CREB3L4: variants seen among roughly 807,000 people sequenced by gnomAD.
CREB3L4 encodes cyclic AMP-responsive element-binding protein 3-like protein 4.
CREB3L4 carries 28 observed loss-of-function variants against 37.0 expected under a neutral mutation model. The ratio of observed to expected loss-of-function variants is 0.76; its 90% CI spans 0.56 to 1.04. CREB3L4 has a LOEUF of 1.04. Ranked by LOEUF, CREB3L4 falls within the 50% of genes least tolerant of loss-of-function variation. The pLI, the probability that CREB3L4 is intolerant of heterozygous loss-of-function variation, is 0.00. For missense variants in CREB3L4, 462 were observed against 486.0 expected, an observed-to-expected ratio of 0.95 and a Z score of 0.46; for synonymous variants, 175 against 192.2, an observed-to-expected ratio of 0.91 and a Z score of 0.74.
chr1:153,969,468 G>A lies in CREB3L4; in HGVS notation c.543+13G>A. On this transcript the variant is annotated intron_variant, in intron 4 of 9. Transcript: ENST00000368607. ...CTGTACAACCCTGGTGAGTCTTGGT[G>A]TCAGCCAGAACCACTACTCCTTGAT... 2 of 1,613,764 alleles carry A rather than the reference G, an allele frequency of 1.2e-6. No individual in the cohort carries two copies. Among genetic ancestry groups the A allele is most frequent in the Non-Finnish European group, 1.7e-6 (2 of 1,179,734 alleles).
chr1:153,968,981 A>C lies in CREB3L4; in HGVS notation c.226A>C (p.Asn76His). ...EDFLKLFIDP[N>H]EVYCSEASPG... Reference sequence around the variant, plus strand: ...TTTCTTGAAGCTTTTCATTGATCCCAATGAGGTGTACTGCTCAGAAGCATC... The same window carrying C: ...TTTCTTGAAGCTTTTCATTGATCCCCATGAGGTGTACTGCTCAGAAGCATC... Residue 76 changes from asparagine (N) to histidine (H), a missense_variant, in exon 3 of 10, where the codon AAT (asparagine) becomes CAT (histidine). Asn to His is a moderately conservative substitution (Grantham distance 68). Transcript: ENST00000368607. The C allele has an allele frequency of 6.2e-7, 1 of 1,613,926 alleles. No homozygotes were observed. Among genetic ancestry groups the C allele is most frequent in the Non-Finnish European group, 8.5e-7 (1 of 1,179,900 alleles).
chr1:153,972,024 T>C (rs1303227160), intron 4 of CREB3L4, among the ~76,000 whole-genome samples: 2 of 152,210 alleles, frequency 1.3e-5, no homozygotes, highest in African/African-American at 4.8e-5. Flanking sequence ...GGTTTTGCCA[T>C]GTTGGCCAGG....
rs749751046 is a variant in CREB3L4 at position 153,973,714 on chromosome 1, G to A, written c.992G>A (p.Gly331Glu). 1.2e-5 allele frequency: 19 copies of A among 1,597,400 alleles called. No individual in the cohort carries two copies. Among genetic ancestry groups the A allele is most frequent in the Non-Finnish European group, 1.5e-5 (18 of 1,170,538 alleles). The change falls in exon 9 of 10, where the codon GGA becomes GAA. Residue 331 changes from glycine (G) to glutamate (E), a missense_variant and splice_region_variant. Physicochemically the swap from Gly to Glu is moderately conservative, Grantham distance 98 (BLOSUM62 -2). Transcript: ENST00000368607. ...GGGTCTGAGGATTACCAGCCTCACGGAGGTGAGAGGCAAGGGCAGGGAGCA... is the reference window on the plus strand; with the variant it reads ...GGGTCTGAGGATTACCAGCCTCACGAAGGTGAGAGGCAAGGGCAGGGAGCA... ...EAGSEDYQPH[G>E]VTSRNILTHK...
chr1:153,969,093 A>G lies in CREB3L4; in HGVS notation c.338A>G (p.Tyr113Cys), dbSNP rs767543282. ...APRATSSPML[Y>C]EVVYEAGALE... is the part of the protein sequence containing the mutation. ...AGGGCAACCAGTTCTCCTATGCTCTATGAGGTTGTCTATGAGGCAGGGGCC... is the reference window on the plus strand; with the variant it reads ...AGGGCAACCAGTTCTCCTATGCTCTGTGAGGTTGTCTATGAGGCAGGGGCC... The change falls in exon 3 of 10, where the codon TAT becomes TGT. Residue 113 changes from tyrosine to cysteine, a missense_variant. By Grantham distance (194) the Tyr-to-Cys change is radical (BLOSUM62 -2). Coordinates refer to ENST00000368607, the MANE Select transcript of CREB3L4 (RefSeq NM_001255978.2). 22 of 1,614,156 alleles carry G rather than the reference A, an allele frequency of 1.4e-5. No homozygotes were observed. The highest frequency in any genetic ancestry group is 1.9e-5 in the Non-Finnish European group (22 of 1,180,010).
At chr1:153,970,281 G>A (rs1341269746) in intron 4 of CREB3L4, among the ~76,000 whole-genome samples, 1 of 152,138 alleles carries the variant, frequency 6.6e-6, no homozygotes, top group Non-Finnish European at 1.5e-5. Flanking sequence ...ACCCTTGGGG[G>A]TAAGGTAGCA....
At position 153,972,744 on chromosome 1, in the gene CREB3L4, C is replaced by A; in HGVS notation, c.544C>A (p.Leu182Met). 6.2e-7 allele frequency: 1 copy of A among 1,613,128 alleles called. No individual in the cohort carries two copies. Among genetic ancestry groups the A allele is most frequent in the Non-Finnish European group, 8.5e-7 (1 of 1,179,610 alleles). ...CATCTTCTCCTGCCCCTACCCCCAGCTGCCCTGTCAAACCCTGTTCCTGAC... is the reference window on the plus strand; with the variant it reads ...CATCTTCTCCTGCCCCTACCCCCAGATGCCCTGTCAAACCCTGTTCCTGAC... ...TVAPVPCTTL[L>M]PCQTLFLTDE... is the part of the protein sequence containing the mutation. The change falls in exon 5 of 10, where the codon CTG (leucine) becomes ATG (methionine). Residue 182 changes from leucine to methionine, a missense_variant and splice_region_variant. Leu to Met is a conservative substitution (Grantham distance 15). Coordinates refer to ENST00000368607, the MANE Select transcript of CREB3L4 (RefSeq NM_001255978.2).
At position 153,974,233 on chromosome 1, in the gene CREB3L4, C is replaced by A; in HGVS notation, c.*168C>A. Reference sequence around the variant, plus strand: ...TAGTCTCTGCCTGAGGCCTAGTCTGCATTTGTTTGCATATATGAGAGGGTA... The same window carrying A: ...TAGTCTCTGCCTGAGGCCTAGTCTGAATTTGTTTGCATATATGAGAGGGTA... On this transcript the variant is annotated 3_prime_UTR_variant, in exon 10 of 10. Coordinates refer to ENST00000368607, the MANE Select transcript of CREB3L4 (RefSeq NM_001255978.2). 1 of 585,302 alleles carries A rather than the reference C, an allele frequency of 1.7e-6. No individual in the cohort carries two copies. The allele number at this position is 585,302 out of a possible 1,614,324, so 36.3% of individuals were successfully genotyped here.
intron 4 of CREB3L4, among the ~76,000 whole-genome samples, chr1:153,970,739 CTTTTTTTTTT>C (rs35553007): frequency 2.3e-5 from 2 of 87,152 alleles, no homozygotes; most frequent in African/African-American, 9.0e-5. Context: ...ATCTTAGAAT[CTTTTTTTTTT>C]TTTTTTTTTT....
chr1:153,969,673 C>T (rs1463467479), intron 4 of CREB3L4: 22 of 521,296 alleles, frequency 4.2e-5, no homozygotes, highest in Non-Finnish European at 5.2e-5. Context: ...TGCAGTGGTG[C>T]AATCACGGCT....
intron 2 of CREB3L4, 57 bp downstream of exon 2, chr1:153,968,756 G>A: frequency 6.2e-7 from 1 of 1,601,298 alleles, no homozygotes; most frequent in Non-Finnish European, 8.5e-7. Flanking sequence ...GTGATAAGAG[G>A]CTTCAGCTCC....
Position 153,972,904 on chromosome 1 carries a change from C to A in CREB3L4, c.636+68C>A, listed in dbSNP as rs755465673. On this transcript the variant is annotated intron_variant, in intron 5 of 9. Transcript: ENST00000368607. ...CCATGACCTCTGAGGGGCCAATATC[C>A]CAGGAGAAGCATTGGGGAGTTGGGG... 6 of 1,598,526 alleles carry A rather than the reference C, an allele frequency of 3.8e-6. No individual in the cohort carries two copies. The Admixed American group carries it at 1.0e-4, about 27-fold the overall frequency.
intron 8 of CREB3L4, 30 bp from the exon 9 acceptor site, chr1:153,973,590 C>T (rs1381550725): frequency 6.3e-7 from 1 of 1,596,426 alleles, no homozygotes; most frequent in South Asian, 1.1e-5. Flanking sequence ...CCCCCTGCTC[C>T]CTTCATCTGT....
Position 153,972,778 on chromosome 1 carries a change from A to G in CREB3L4, c.578A>G (p.Glu193Gly), listed in dbSNP as rs780670638. 2 of 1,613,932 alleles carry G rather than the reference A, an allele frequency of 1.2e-6. No individual in the cohort carries two copies. The highest frequency in any genetic ancestry group is 1.7e-6 in the Non-Finnish European group (2 of 1,179,970). The change falls in exon 5 of 10, where the codon GAG becomes GGG. Residue 193 changes from glutamate (E) to glycine (G), a missense_variant. Transcript: ENST00000368607. ...PCQTLFLTDE[E>G]KRLLGQEGVS... ...CAAACCCTGTTCCTGACCGATGAGG[A>G]GAAGCGTCTGCTGGGGCAGGAAGGG...
At chr1:153,969,287 G>C (rs373287482) in intron 3 of CREB3L4, 47 bp from the exon 4 acceptor site, 1 of 1,614,068 alleles carries the variant, frequency 6.2e-7, no homozygotes, top group African/African-American at 1.3e-5. Flanking sequence ...CGGCTGTCAG[G>C]GTGTTCCTAA....
intron 7 of CREB3L4, 55 bp downstream of exon 7, chr1:153,973,318 G>A: frequency 6.2e-7 from 1 of 1,608,468 alleles, no homozygotes; most frequent in African/African-American, 1.3e-5. Flanking sequence ...ACAGCACACA[G>A]GGGTGCCATT....
Position 153,972,783 on chromosome 1 carries a change from C to G in CREB3L4, c.583C>G (p.Arg195Gly). Residue 195 changes from arginine (R) to glycine (G), a missense_variant, in exon 5 of 10, where the codon CGT (arginine) becomes GGT (glycine). Physicochemically the swap from Arg to Gly is moderately radical, Grantham distance 125. Coordinates refer to ENST00000368607, the MANE Select transcript of CREB3L4 (RefSeq NM_001255978.2). The stretch of plus-strand genomic sequence containing the variant: ...CCTGTTCCTGACCGATGAGGAGAAG[C>G]GTCTGCTGGGGCAGGAAGGGGTTTC... ...QTLFLTDEEK[R>G]LLGQEGVSLP... The G allele has an allele frequency of 6.2e-7, 1 of 1,614,030 alleles. No individual in the cohort carries two copies. The highest frequency in any genetic ancestry group is 8.5e-7 in the Non-Finnish European group (1 of 1,179,992).
chr1:153,971,913 C>T (rs1229256486), intron 4 of CREB3L4, among the ~76,000 whole-genome samples: 1 of 152,134 alleles, frequency 6.6e-6, no homozygotes, highest in East Asian at 1.9e-4. Context: ...ACCTCCACCT[C>T]CCGGGTTCAA....
At position 153,973,903 on chromosome 1, in the gene CREB3L4, C is replaced by T. The variant is rs758731285; in HGVS notation, c.1026C>T (p.Asp342=). The change falls in exon 10 of 10, where the codon GAC becomes GAT. Residue 342 remains aspartate (D), a synonymous_variant. Transcript: ENST00000368607. Reference sequence around the variant, plus strand: ...CCAGAAATATCCTGACCCACAAGGACGTAACAGAAAATCTGGAGACCCAAG... The same window carrying T: ...CCAGAAATATCCTGACCCACAAGGATGTAACAGAAAATCTGGAGACCCAAG... ...VTSRNILTHK[D]VTENLETQVV... 1.0e-4 allele frequency: 161 copies of T among 1,614,002 alleles called. 1 individual carries two copies. The highest frequency in any genetic ancestry group is 8.0e-5 in the Non-Finnish European group (94 of 1,180,024).
chr1:153,970,456 A>C (rs1648257159), intron 4 of CREB3L4, among the ~76,000 whole-genome samples: 1 of 152,208 alleles, frequency 6.6e-6, no homozygotes, highest in Non-Finnish European at 1.5e-5. Context: ...TAGGTACAGG[A>C]AGAAAGAAAA....
Sources: allele counts gnomAD v4.1 joint callset (sites outside exome capture counted in the v4.1 genomes callset), GRCh38; gene constraint gnomAD v4.1.1; transcripts MANE v1.5; gene names NCBI Gene and HGNC (gene_info 2026-07-23, HGNC 2026-07-21).